The following TMEM209 variants were observed in gnomAD, a reference collection of about 807,000 sequenced individuals.
TMEM209 encodes the protein transmembrane protein 209, also known as testicular tissue protein Li 202.
A neutral mutation model predicts 76.2 loss-of-function variants in TMEM209; 65 were observed. The observed-to-expected ratio is 0.85, with a 90% CI of 0.70 to 1.05. TMEM209 has a LOEUF of 1.05. Among genes scored for constraint, TMEM209 ranks in the 50% least tolerant of loss-of-function variants. The pLI, the probability that TMEM209 is intolerant of heterozygous loss-of-function variation, is 0.00. For synonymous variants in TMEM209, 239 were observed against 237.6 expected, an observed-to-expected ratio of 1.01 and a Z score of -0.06; for missense variants, 623 against 685.5, an observed-to-expected ratio of 0.91 and a Z score of 1.02.
intron 5 of TMEM209, among the ~76,000 whole-genome samples, chr7:130,197,079 CCA>C (rs982483825): frequency 5.3e-5 from 8 of 152,076 alleles, no homozygotes; most frequent in African/African-American, 1.9e-4. Flanking sequence ...CAAACAAACA[CCA>C]CACAGTGTTT....
intron 9 of TMEM209, among the ~76,000 whole-genome samples, chr7:130,180,891 G>C (rs1227555657): frequency 1.3e-5 from 2 of 152,216 alleles, no homozygotes; most frequent in Admixed American, 6.5e-5. Flanking sequence ...AGGTGCTTTA[G>C]AAGAGTCTGG....
chr7:130,190,238 C>A (rs1452632009), intron 6 of TMEM209, among the ~76,000 whole-genome samples: 5 of 152,166 alleles, frequency 3.3e-5, no homozygotes, highest in African/African-American at 1.2e-4. Flanking sequence ...TAATATTGGG[C>A]CAGGCGCGGT....
chr7:130,183,568 T>A (rs1797496501), intron 8 of TMEM209, among the ~76,000 whole-genome samples: 1 of 152,022 alleles, frequency 6.6e-6, no homozygotes, highest in African/African-American at 2.4e-5. Flanking sequence ...ACAACAGAAG[T>A]AGTAGCCCCT....
Position 130,192,611 on chromosome 7 carries a change from T to C in TMEM209, c.775+11A>G, listed in dbSNP as rs1797834781. 6.2e-7 allele frequency: 1 copy of C among 1,611,328 alleles called. No homozygotes were observed. The highest frequency in any genetic ancestry group is 1.3e-5 in the African/African-American group (1 of 74,836). On this transcript the variant is annotated intron_variant, in intron 6 of 14. Coordinates refer to ENST00000397622, the MANE Select transcript of TMEM209 (RefSeq NM_032842.4). ...AATATGTATAGTAGATATACAGAAA[T>C]ATATATGTACCCAGCTTAACCCTAT...
Position 130,166,468 on chromosome 7 carries a change from A to G in TMEM209, c.1669T>C (p.Trp557Arg). The G allele has an allele frequency of 6.5e-7, 1 of 1,546,762 alleles. No homozygotes were observed. Among genetic ancestry groups the G allele is most frequent in the Non-Finnish European group, 8.7e-7 (1 of 1,145,426 alleles). The change falls in exon 15 of 15, where the codon TGG becomes CGG. Residue 557 changes from tryptophan (W) to arginine (R), a missense_variant. Coordinates refer to ENST00000397622, the MANE Select transcript of TMEM209 (RefSeq NM_032842.4). ...NLGLSGVNIL[W>R]IFGE ...ATGACTTGCTACTCGCCAAAGATCC[A>G]CAATATATTCACACCAGATAGACCA...
chr7:130,173,420 G>T (rs189777736), intron 13 of TMEM209, among the ~76,000 whole-genome samples: 250 of 152,284 alleles, frequency 1.6e-3, no homozygotes, highest in African/African-American at 5.5e-3. Flanking sequence ...ACTGCCTCAG[G>T]TAATGGAATG....
Position 130,188,119 on chromosome 7 carries a change from T to C in TMEM209, c.776-2752A>G, listed in dbSNP as rs1267240647. Among the ~76,000 whole-genome samples, 3 of 151,972 alleles carry C rather than the reference T, an allele frequency of 2.0e-5. No homozygotes were observed. The East Asian group carries it at 5.8e-4, about 29-fold the overall frequency. ...AAAAGGACCAAATAAAACTATAAAA[T>C]GAGAACAAGTGGCTGAAATTAAAAA... On this transcript the variant is annotated intron_variant, in intron 6 of 14. Transcript: ENST00000397622.
chr7:130,177,308 G>A lies in TMEM209; in HGVS notation c.1246+1094C>T, dbSNP rs181984689. On this transcript the variant is annotated intron_variant, in intron 10 of 14. Coordinates refer to ENST00000397622, the MANE Select transcript of TMEM209 (RefSeq NM_032842.4). ...GGAGGTTGCAGTGAGCCAAGATTGCGCCACTGCACTCTAGCCTGGCGACAG... is the reference window on the plus strand; with the variant it reads ...GGAGGTTGCAGTGAGCCAAGATTGCACCACTGCACTCTAGCCTGGCGACAG... 2.4e-3 allele frequency among the ~76,000 whole-genome samples: 354 copies of A among 148,674 alleles called. 1 individual carries two copies. Among genetic ancestry groups the A allele is most frequent in the African/African-American group, 7.9e-3 (315 of 40,070 alleles).
chr7:130,203,504 G>A (rs543274393), intron 3 of TMEM209, among the ~76,000 whole-genome samples: 2 of 152,232 alleles, frequency 1.3e-5, no homozygotes, highest in South Asian at 4.1e-4. Context: ...CACAGAAAGC[G>A]CATTTCAGGA....
At chr7:130,184,941 T>C (rs1797546744) in intron 7 of TMEM209, among the ~76,000 whole-genome samples, 1 of 152,228 alleles carries the variant, frequency 6.6e-6, no homozygotes, top group African/African-American at 2.4e-5. Flanking sequence ...CTTTTTATAA[T>C]CAATGTAAAA....
At chr7:130,184,846 G>A (rs1388442004) in intron 7 of TMEM209, among the ~76,000 whole-genome samples, 2 of 152,240 alleles carry the variant, frequency 1.3e-5, no homozygotes, top group East Asian at 1.9e-4. Flanking sequence ...TTAAAGTGAC[G>A]AAATTACTGA....
At chr7:130,179,571 A>C (rs1047695130) in intron 9 of TMEM209, among the ~76,000 whole-genome samples, 1 of 152,234 alleles carries the variant, frequency 6.6e-6, no homozygotes, top group Non-Finnish European at 1.5e-5. Context: ...AAATTTCAAA[A>C]TATCCAACTG....
At position 130,186,550 on chromosome 7, in the gene TMEM209, A is replaced by G. The variant is rs137870522; in HGVS notation, c.776-1183T>C. On this transcript the variant is annotated intron_variant, in intron 6 of 14. Transcript: ENST00000397622. The stretch of plus-strand genomic sequence containing the variant: ...AGAAATGGAAAGTAAAAACATGGTC[A>G]TAACAGAGCATAAAGTTATCCTATT... Among the ~76,000 whole-genome samples the G allele has an allele frequency of 2.7e-3, 406 of 152,380 alleles. 2 individuals are homozygous for G. Among genetic ancestry groups the G allele is most frequent in the African/African-American group, 9.1e-3 (380 of 41,596 alleles).
chr7:130,171,436 A>G (rs4520105), intron 13 of TMEM209, among the ~76,000 whole-genome samples: 39,067 of 151,532 alleles, frequency 0.26, 5,325 homozygotes, highest in East Asian at 0.39. Flanking sequence ...TTTTAACTCA[A>G]GAATCTGAGA....
chr7:130,178,613 C>T lies in TMEM209; in HGVS notation c.1121-86G>A, dbSNP rs1797317286. On this transcript the variant is annotated intron_variant, in intron 9 of 14. Transcript: ENST00000397622. ...AAAATGCTCTTCTCATGTGTTCATACAGCTGGTTCCTCACTACCTTCAGGT... is the reference window on the plus strand; with the variant it reads ...AAAATGCTCTTCTCATGTGTTCATATAGCTGGTTCCTCACTACCTTCAGGT... 3.3e-6 allele frequency: 5 copies of T among 1,498,560 alleles called. No homozygotes were observed. The South Asian group carries it at 4.8e-5, about 15-fold the overall frequency. 92.8% of individuals were successfully genotyped at this position (1,498,560 alleles called of 1,614,324 possible). A position where few individuals can be genotyped will look rare whatever the true frequency, so the allele number is the denominator to read the frequency against.
At chr7:130,192,866 A>G (rs748404648) in intron 5 of TMEM209, 43 bp from the exon 6 acceptor site, 5 of 1,576,268 alleles carry the variant, frequency 3.2e-6, no homozygotes, top group Non-Finnish European at 4.3e-6. Context: ...TCTTTAATTG[A>G]AATTCATTTT....
At chr7:130,195,441 T>C (rs1289595689) in intron 5 of TMEM209, among the ~76,000 whole-genome samples, 2 of 152,102 alleles carry the variant, frequency 1.3e-5, no homozygotes, top group Admixed American at 6.5e-5. Flanking sequence ...CTGTAAGCTA[T>C]TGATTTTGGA....
At chr7:130,192,958 T>A (rs1000733693) in intron 5 of TMEM209, 135 bp from the exon 6 acceptor site, 1 of 781,060 alleles carries the variant, frequency 1.3e-6, no homozygotes, top group African/African-American at 1.7e-5. Flanking sequence ...CTGATGAGGT[T>A]GTGGAACAAC....
At position 130,166,464 on chromosome 7, in the gene TMEM209, A is replaced by G. The variant is rs1796885429; in HGVS notation, c.1673T>C (p.Ile558Thr). ...LGLSGVNILW[I>T]FGE ...ATATATGACTTGCTACTCGCCAAAG[A>G]TCCACAATATATTCACACCAGATAG... is the stretch of plus-strand genomic sequence containing the variant. The change falls in exon 15 of 15, where the codon ATC (isoleucine) becomes ACC (threonine). Residue 558 changes from isoleucine to threonine, a missense_variant. Coordinates refer to ENST00000397622, the MANE Select transcript of TMEM209 (RefSeq NM_032842.4). The G allele has an allele frequency of 3.2e-6, 5 of 1,546,188 alleles. No homozygotes were observed. Among genetic ancestry groups the G allele is most frequent in the African/African-American group, 1.4e-5 (1 of 72,842 alleles).
Sources: gnomAD v4.1 joint callset for allele counts (sites outside exome capture counted in the v4.1 genomes callset) on GRCh38, gnomAD v4.1.1 for gene constraint, MANE v1.5 for transcripts, NCBI Gene and HGNC (gene_info 2026-07-23, HGNC 2026-07-21) for gene names.